The following RGS5 variants were observed in gnomAD, a reference collection of about 807,000 sequenced individuals.
The protein encoded by RGS5 is regulator of G-protein signalling 5.
Under a neutral mutation model 18.9 loss-of-function variants are expected in RGS5, and 20 were observed. The ratio of observed to expected loss-of-function variants is 1.06; its 90% CI spans 0.74 to 1.54. The LOEUF is 1.54. Among genes scored for constraint, RGS5 ranks in the 40% most tolerant of loss-of-function variants. The pLI, the probability that RGS5 is intolerant of heterozygous loss-of-function variation, is 0.00. For missense variants in RGS5, 201 were observed against 211.8 expected (o/e 0.95, Z 0.32); for synonymous variants, 57 against 76.2 (o/e 0.75, Z 1.31).
At chr1:163,180,403 C>T (rs1259387304) in intron 1 of RGS5, among the ~76,000 whole-genome samples, 1 of 152,172 alleles carries the variant, frequency 6.6e-6, no homozygotes, top group Non-Finnish European at 1.5e-5. Flanking sequence ...TCAGCACTCC[C>T]TATCAGACCA....
chr1:163,214,686 A>C (rs1430740666), intron 1 of RGS5, among the ~76,000 whole-genome samples: 1 of 151,982 alleles, frequency 6.6e-6, no homozygotes, highest in East Asian at 1.9e-4. Context: ...TTCCATATCT[A>C]ATCTCCATGC....
At chr1:163,243,432 G>A (rs1481058396) in intron 2 of RGS5, among the ~76,000 whole-genome samples, 1 of 152,086 alleles carries the variant, frequency 6.6e-6, no homozygotes, top group Non-Finnish European at 1.5e-5. Context: ...TGGATCACGA[G>A]ATCAGGAGAT....
chr1:163,299,747 C>T (rs1649507226), intron 2 of RGS5, among the ~76,000 whole-genome samples: 1 of 152,160 alleles, frequency 6.6e-6, no homozygotes, highest in Admixed American at 6.5e-5. Context: ...TTTAAATTCT[C>T]TGTTTTCTAG....
In RGS5 at chr1:163,236,360, G is replaced by GGT. The variant is rs577907858; in HGVS notation, c.-280-67994_-280-67993dup. Among the ~76,000 whole-genome samples, 347 of 149,592 alleles carry GGT rather than the reference G, an allele frequency of 2.3e-3. 4 individuals are homozygous for GGT. The highest frequency in any genetic ancestry group is 4.2e-3 in the Non-Finnish European group (284 of 67,070). On this transcript the variant is annotated intron_variant, in intron 2 of 5. Coordinates refer to the RGS5 transcript ENST00000618415. ...GCAGTGGTCCACCATTATCTCAAGT[G>GGT]GTGTTTCTGAGTGAATTAGAAAAAA...
intron 2 of RGS5, among the ~76,000 whole-genome samples, chr1:163,297,774 C>T (rs899554165): frequency 2.0e-5 from 3 of 152,044 alleles, no homozygotes; most frequent in South Asian, 4.1e-4. Flanking sequence ...ATTAGTTTTT[C>T]TTCTCTACAA....
chr1:163,271,263 T>A (rs1485448348), intron 2 of RGS5, among the ~76,000 whole-genome samples: 4 of 152,184 alleles, frequency 2.6e-5, no homozygotes, highest in African/African-American at 9.6e-5. Context: ...TTGGACTGCA[T>A]GTTTGTGTTT....
intron 2 of RGS5, among the ~76,000 whole-genome samples, chr1:163,262,049 G>C (rs1016210014): frequency 4.6e-5 from 7 of 151,782 alleles, no homozygotes; most frequent in Non-Finnish European, 1.0e-4. Context: ...TAACAATCTA[G>C]AGGCGAGGAG....
intron 2 of RGS5, among the ~76,000 whole-genome samples, chr1:163,272,454 T>G (rs1204110667): frequency 1.3e-5 from 2 of 152,186 alleles, no homozygotes; most frequent in African/African-American, 4.8e-5. Flanking sequence ...GGCTTCTGCT[T>G]TGGTCATCTT....
upstream of RGS5, chr1:163,203,092 A>G (rs1188539985): frequency 1.4e-5 from 6 of 428,242 alleles, no homozygotes; most frequent in Non-Finnish European, 2.6e-5. Context: ...TAAGGCTTTC[A>G]TCTGCTCTTA....
intron 1 of RGS5, among the ~76,000 whole-genome samples, chr1:163,317,237 T>C (rs1167231688): frequency 6.6e-6 from 1 of 152,138 alleles, no homozygotes; most frequent in African/African-American, 2.4e-5. Flanking sequence ...TTTATCTGGG[T>C]ACTCAAGCCA....
chr1:163,293,258 A>G (rs1222143279), intron 2 of RGS5, among the ~76,000 whole-genome samples: 1 of 152,192 alleles, frequency 6.6e-6, no homozygotes, highest in African/African-American at 2.4e-5. Context: ...AAGACTGGGT[A>G]TTTATAAATA....
intron 1 of RGS5, among the ~76,000 whole-genome samples, chr1:163,187,096 A>G (rs1659122057): frequency 6.6e-6 from 1 of 151,990 alleles, no homozygotes; most frequent in Non-Finnish European, 1.5e-5. Flanking sequence ...CCTCAGCTGC[A>G]CTCCAGCCAT....
At chr1:163,297,299 A>C (rs1649445889) in intron 2 of RGS5, among the ~76,000 whole-genome samples, 1 of 152,170 alleles carries the variant, frequency 6.6e-6, no homozygotes, top group Non-Finnish European at 1.5e-5. Context: ...TAATGCGTCA[A>C]GGTTTCAGTT....
chr1:163,222,455 G>A (rs1312923136), upstream of RGS5, among the ~76,000 whole-genome samples: 15 of 152,060 alleles, frequency 9.9e-5, no homozygotes, highest in Non-Finnish European at 1.8e-4. Context: ...AAAAGTTGGG[G>A]ACCATCATAT....
At chr1:163,187,493 G>A (rs1350979039) in intron 1 of RGS5, among the ~76,000 whole-genome samples, 1 of 152,140 alleles carries the variant, frequency 6.6e-6, no homozygotes, top group Non-Finnish European at 1.5e-5. Context: ...ATCACAGGCA[G>A]GACTCTAATC....
chr1:163,260,479 G>T (rs956416739), intron 2 of RGS5: 3 of 152,016 alleles, frequency 2.0e-5, no homozygotes, highest in African/African-American at 4.8e-5. Context: ...ATATAGAGTG[G>T]TATAAAGGAC....
At chr1:163,200,888 T>C (rs1659748613) in intron 1 of RGS5, among the ~76,000 whole-genome samples, 1 of 152,168 alleles carries the variant, frequency 6.6e-6, no homozygotes, top group Non-Finnish European at 1.5e-5. Context: ...CCAATATTAA[T>C]GTTGCTAGTG....
chr1:163,252,409 T>C (rs1445630274), intron 2 of RGS5, among the ~76,000 whole-genome samples: 1 of 152,210 alleles, frequency 6.6e-6, no homozygotes, highest in Non-Finnish European at 1.5e-5. Context: ...GGGTCTTTTG[T>C]GGAGCAAAAG....
chr1:163,233,472 A>G (rs1477139450), intron 2 of RGS5, among the ~76,000 whole-genome samples: 4 of 152,254 alleles, frequency 2.6e-5, no homozygotes, highest in Non-Finnish European at 5.9e-5. Flanking sequence ...TGGAAATTTC[A>G]ATGTAAACAG....
Sources: gnomAD v4.1 joint callset for allele counts (sites outside exome capture counted in the v4.1 genomes callset) on GRCh38, gnomAD v4.1.1 for gene constraint, MANE v1.5 for transcripts, NCBI Gene and HGNC (gene_info 2026-07-23, HGNC 2026-07-21) for gene names.